ADAMTS12: variants seen among roughly 807,000 people sequenced by gnomAD.
ADAMTS12 encodes ADAM metallopeptidase with thrombospondin type 1 motif 12.
ADAMTS12 carries 118 observed loss-of-function variants against 167.8 expected under a neutral mutation model. The ratio of observed to expected loss-of-function variants is 0.70; its 90% CI spans 0.61 to 0.82. The LOEUF is 0.82. ADAMTS12 is among the 40% of genes least tolerant of loss of function. ADAMTS12 has a pLI of 0.00. For synonymous variants in ADAMTS12, 704 were observed against 716.9 expected (o/e 0.98, Z 0.29); for missense variants, 1,916 against 1,998.8 (o/e 0.96, Z 0.79).
Position 33,644,482 on chromosome 5 carries a change from A to G in ADAMTS12, c.1480-1012T>C, listed in dbSNP as rs139038810. ...ATCCATCCACTGAATTTTTAAGTCAATAACCACACCTTCCATTTCCAGAAG... is the reference window on the plus strand; with the variant it reads ...ATCCATCCACTGAATTTTTAAGTCAGTAACCACACCTTCCATTTCCAGAAG... On this transcript the variant is annotated intron_variant, in intron 9 of 23. Transcript: ENST00000504830. 3.2e-3 allele frequency among the ~76,000 whole-genome samples: 483 copies of G among 152,330 alleles called. 1 individual carries two copies. The highest frequency in any genetic ancestry group is 5.3e-3 in the Non-Finnish European group (361 of 68,028).
intron 13 of ADAMTS12, among the ~76,000 whole-genome samples, chr5:33,626,376 G>A (rs1247313584): frequency 1.9e-4 from 29 of 150,556 alleles, no homozygotes; most frequent in South Asian, 2.1e-4. Context: ...TGGTGGTGAT[G>A]GGGGTGATGG....
At chr5:33,666,618 T>G (rs10472874) in intron 5 of ADAMTS12, among the ~76,000 whole-genome samples, 50,971 of 151,816 alleles carry the variant, frequency 0.34, 8,882 homozygotes, top group African/African-American at 0.45. Context: ...TCAGCCTCCC[T>G]AGTAGCTGAG....
chr5:33,642,045 C>T (rs944035213), intron 10 of ADAMTS12, 90 bp from the exon 11 acceptor site: 4 of 1,356,092 alleles, frequency 2.9e-6, no homozygotes, highest in Non-Finnish European at 3.9e-6. Flanking sequence ...ACCCAATTCT[C>T]TGCAAGCAAG....
At chr5:33,785,123 A>T (rs1303020842) in intron 2 of ADAMTS12, among the ~76,000 whole-genome samples, 2 of 152,068 alleles carry the variant, frequency 1.3e-5, no homozygotes, top group African/African-American at 4.8e-5. Flanking sequence ...ATCCACATGA[A>T]AAAGAATGAT....
chr5:33,742,754 C>CTCATTCATTCATTCATTCAT (rs796449776), intron 3 of ADAMTS12, among the ~76,000 whole-genome samples: 1 of 152,190 alleles, frequency 6.6e-6, no homozygotes, highest in African/African-American at 2.4e-5. Flanking sequence ...CACTCATTTA[C>CTCATTCATTCATTCATTCAT]TCATTCATTC....
chr5:33,755,258 G>A lies in ADAMTS12; in HGVS notation c.490-3710C>T, dbSNP rs79534137. Among the ~76,000 whole-genome samples, 727 of 152,316 alleles carry A rather than the reference G, an allele frequency of 4.8e-3. 10 individuals are homozygous for A. The highest frequency in any genetic ancestry group is 0.017 in the African/African-American group (689 of 41,564). The stretch of plus-strand genomic sequence containing the variant: ...TAAAAAAGATTTTGTTACAGTGGGC[G>A]AATTTCCCCTGGCTTATTAAATCAG... On this transcript the variant is annotated intron_variant, in intron 2 of 23. Transcript: ENST00000504830.
chr5:33,615,087 G>A (rs948577784), intron 15 of ADAMTS12, among the ~76,000 whole-genome samples: 3 of 152,144 alleles, frequency 2.0e-5, no homozygotes, highest in Non-Finnish European at 4.4e-5. Context: ...GTTTAAAATT[G>A]ATTCACCTTA....
chr5:33,685,998 G>A (rs953437694), intron 3 of ADAMTS12, among the ~76,000 whole-genome samples: 1 of 152,078 alleles, frequency 6.6e-6, no homozygotes, highest in African/African-American at 2.4e-5. Flanking sequence ...TTTCTGAAAC[G>A]GCTGTTACAG....
intron 2 of ADAMTS12, among the ~76,000 whole-genome samples, chr5:33,865,186 C>T (rs777171723): frequency 6.6e-6 from 1 of 151,972 alleles, no homozygotes. Context: ...AAAAGAACTA[C>T]AAACCAATAT....
chr5:33,875,505 C>CT (rs1257141065), intron 2 of ADAMTS12, among the ~76,000 whole-genome samples: 1 of 152,144 alleles, frequency 6.6e-6, no homozygotes, highest in Non-Finnish European at 1.5e-5. Context: ...AAAATAAACA[C>CT]TTTTTAAAAA....
chr5:33,537,137 A>G (rs1744455838), intron 22 of ADAMTS12, among the ~76,000 whole-genome samples: 1 of 152,166 alleles, frequency 6.6e-6, no homozygotes, highest in African/African-American at 2.4e-5. Context: ...TCTTGCTCAG[A>G]GGAGTGAGTA....
At chr5:33,719,577 G>A (rs1389464655) in intron 3 of ADAMTS12, among the ~76,000 whole-genome samples, 1 of 152,208 alleles carries the variant, frequency 6.6e-6, no homozygotes, top group African/African-American at 2.4e-5. Flanking sequence ...TCCAATGAGT[G>A]TCTATTGAGT....
chr5:33,667,791 G>T (rs1741525157), intron 5 of ADAMTS12, among the ~76,000 whole-genome samples: 1 of 152,126 alleles, frequency 6.6e-6, no homozygotes, highest in Admixed American at 6.5e-5. Context: ...ATTTGAACTG[G>T]AGTGGAACTT....
At chr5:33,544,599 T>C (rs1019031255) in intron 22 of ADAMTS12, among the ~76,000 whole-genome samples, 7 of 152,182 alleles carry the variant, frequency 4.6e-5, no homozygotes, top group Non-Finnish European at 7.3e-5. Flanking sequence ...TCATACTACC[T>C]GACTTCAAAT....
chr5:33,742,367 A>T (rs528811491), intron 3 of ADAMTS12, among the ~76,000 whole-genome samples: 6 of 150,214 alleles, frequency 4.0e-5, no homozygotes, highest in Non-Finnish European at 7.4e-5. Flanking sequence ...GATGTGTGAG[A>T]CTTCCAGCTG....
chr5:33,646,624 G>T (rs1252100493), intron 9 of ADAMTS12, among the ~76,000 whole-genome samples: 1 of 152,136 alleles, frequency 6.6e-6, no homozygotes. Context: ...AAAATTTTCG[G>T]TGAAAGAATG....
intron 1 of ADAMTS12, among the ~76,000 whole-genome samples, chr5:33,886,124 A>C (rs1008028023): frequency 1.3e-5 from 2 of 152,196 alleles, no homozygotes; most frequent in African/African-American, 2.4e-5. Flanking sequence ...AGATTTAAAC[A>C]TGATTTTTGA....
chr5:33,858,123 A>T (rs1820134), intron 2 of ADAMTS12, among the ~76,000 whole-genome samples: 52,863 of 152,122 alleles, frequency 0.35, 9,489 homozygotes, highest in African/African-American at 0.44. Flanking sequence ...GAAATAATAT[A>T]AACTGTGTCC....
At chr5:33,591,037 T>C (rs1747610176) in intron 17 of ADAMTS12, among the ~76,000 whole-genome samples, 1 of 151,924 alleles carries the variant, frequency 6.6e-6, no homozygotes, top group Non-Finnish European at 1.5e-5. Flanking sequence ...TCTAAAATAC[T>C]GTTTTTATAT....
Sources: gnomAD v4.1 joint callset for allele counts (sites outside exome capture counted in the v4.1 genomes callset) on GRCh38, gnomAD v4.1.1 for gene constraint, MANE v1.5 for transcripts, NCBI Gene and HGNC (gene_info 2026-07-23, HGNC 2026-07-21) for gene names.